Variants in CCDC88C observed in about 807,000 individuals in gnomAD.
CCDC88C encodes the protein coiled-coil and HOOK domain protein 88C, also known as protein Daple.
In CCDC88C, 131 loss-of-function variants were observed where a neutral mutation model predicts 198.8. The ratio of observed to expected loss-of-function variants is 0.66; its 90% CI spans 0.57 to 0.76. CCDC88C has a LOEUF of 0.76. Among genes scored for constraint, CCDC88C ranks in the 30% least tolerant of loss-of-function variants. The pLI is 0.00. For synonymous variants in CCDC88C, 1,166 were observed against 1,114.7 expected (o/e 1.05, Z -0.92); for missense variants, 2,553 against 2,631.6 (o/e 0.97, Z 0.65).
chr14:91,379,058 G>A (rs903241136), intron 3 of CCDC88C: 2 of 152,218 alleles, frequency 1.3e-5, no homozygotes, highest in East Asian at 1.9e-4. Flanking sequence ...CTGCCGGAGA[G>A]TTTTTCCAAA....
At chr14:91,341,859 C>T (rs1361708601) in intron 6 of CCDC88C, among the ~76,000 whole-genome samples, 3 of 152,096 alleles carry the variant, frequency 2.0e-5, no homozygotes, top group East Asian at 3.9e-4. Context: ...CCCGGCCCCT[C>T]GCTGGGGGGC....
chr14:91,339,267 CG>C lies in CCDC88C; in HGVS notation c.809+10del, dbSNP rs750060580. ...CACACACAAAGGTAGGAGAAGCAGC[CG>C]GGGACTCACAGCTCCTGCCTGACGC... On this transcript the variant is annotated intron_variant, in intron 8 of 29. Coordinates refer to ENST00000389857, the MANE Select transcript of CCDC88C (RefSeq NM_001080414.4). This position sits in a 1 kb window ranked among gnomAD's most constrained non-coding sequence, Gnocchi z 5.8. The C allele has an allele frequency of 1.9e-6, 3 of 1,611,864 alleles. No homozygotes were observed. In the South Asian group the frequency reaches 3.3e-5, roughly 18 times the overall value.
At chr14:91,275,036 G>A (rs1332492319) in intron 29 of CCDC88C, among the ~76,000 whole-genome samples, 7 of 152,114 alleles carry the variant, frequency 4.6e-5, no homozygotes, top group Non-Finnish European at 8.8e-5. Context: ...GTGGGGGCGC[G>A]GTGGGCATAC....
At position 91,278,095 on chromosome 14, in the gene CCDC88C, C is replaced by T. The variant is rs1285918522; in HGVS notation, c.4885G>A (p.Gly1629Ser). ...EASTPGRNAL[G>S]RHEYPLPRNG... is the part of the protein sequence containing the mutation. Reference sequence around the variant, plus strand: ...CGAGGCAAGGGGTACTCGTGGCGGCCGAGGGCGTTGCGTCCCGGTGTGCTG... The same window carrying T: ...CGAGGCAAGGGGTACTCGTGGCGGCTGAGGGCGTTGCGTCCCGGTGTGCTG... The change falls in exon 29 of 30, where the codon GGC becomes AGC. Residue 1629 changes from glycine (G) to serine (S), a missense_variant. Physicochemically the swap from Gly to Ser is moderately conservative, Grantham distance 56. Around this residue, in one of 2 missense-constraint regions of CCDC88C, gnomAD observed 1,293 missense variants for 1,219.6 expected, o/e 1.06. Transcript: ENST00000389857. The T allele has an allele frequency of 1.9e-5, 31 of 1,612,702 alleles. No individual in the cohort carries two copies. Among genetic ancestry groups the T allele is most frequent in the Admixed American group, 1.5e-4 (9 of 59,892 alleles).
chr14:91,379,879 G>T lies in CCDC88C; in HGVS notation c.271-20168C>A, dbSNP rs1046514425. The T allele has an allele frequency of 1.0e-5, 7 of 703,056 alleles. No individual in the cohort carries two copies. The East Asian group carries it at 1.9e-4, about 19-fold the overall frequency. 43.6% of individuals were successfully genotyped at this position (703,056 alleles called of 1,614,324 possible). ...AAGAAGTTTAGTTACCGGAAAAAGG[G>T]TCTATCCTGAAAACAGGATGAGAAG... On this transcript the variant is annotated intron_variant, in intron 3 of 29. Coordinates refer to ENST00000389857, the MANE Select transcript of CCDC88C (RefSeq NM_001080414.4).
At chr14:91,285,815 G>T (rs1426500764) in intron 25 of CCDC88C, 1 of 1,288,728 alleles carries the variant, frequency 7.8e-7, no homozygotes, top group South Asian at 1.2e-5. Flanking sequence ...TTTCAAAAAG[G>T]GACTCTTTTT....
intron 3 of CCDC88C, among the ~76,000 whole-genome samples, chr14:91,370,909 G>T (rs1364951624): frequency 6.6e-6 from 1 of 152,218 alleles, no homozygotes; most frequent in African/African-American, 2.4e-5. Context: ...TGGAAACCCA[G>T]GTCTCCTTGC....
rs761134886 is a variant in CCDC88C at position 91,303,723 on chromosome 14, C to G, written c.3613G>C (p.Glu1205Gln). 1 of 1,600,240 alleles carries G rather than the reference C, an allele frequency of 6.2e-7. No homozygotes were observed. The highest frequency in any genetic ancestry group is 2.3e-5 in the East Asian group (1 of 44,338). ...LKTLHRNLEL[E>Q]HKELGERHGD... ...TACCTCTCCCCGAGCTCCTTGTGCT[C>G]CAGCTCCAGATTCCGATGCAGTGTC... The change falls in exon 20 of 30, where the codon GAG becomes CAG. Residue 1205 changes from glutamate (E) to glutamine (Q), a missense_variant. This residue lies in a region of CCDC88C where 1,293 missense variants were observed against 1,219.6 expected (regional missense o/e 1.06). Coordinates refer to ENST00000389857, the MANE Select transcript of CCDC88C (RefSeq NM_001080414.4).
At chr14:91,344,228 T>A (rs1387521014) in intron 4 of CCDC88C, among the ~76,000 whole-genome samples, 2 of 142,424 alleles carry the variant, frequency 1.4e-5, no homozygotes. Context: ...AACCATAACA[T>A]CAGCATCCCT....
rs1453857200 is a variant in CCDC88C, at chr14:91,283,318, C to T, written c.4630+11G>A. The T allele has an allele frequency of 1.2e-6, 2 of 1,611,910 alleles. No homozygotes were observed. Among genetic ancestry groups the T allele is most frequent in the Non-Finnish European group, 1.7e-6 (2 of 1,179,432 alleles). On this transcript the variant is annotated intron_variant, in intron 26 of 29. Coordinates refer to ENST00000389857, the MANE Select transcript of CCDC88C (RefSeq NM_001080414.4). Reference sequence around the variant, plus strand: ...CCGACGCTCATGGCTCTGGAAGGGCCTGTGACTCACCTTTGGTGCGGCCTG... The same window carrying T: ...CCGACGCTCATGGCTCTGGAAGGGCTTGTGACTCACCTTTGGTGCGGCCTG...
intron 13 of CCDC88C, among the ~76,000 whole-genome samples, chr14:91,316,272 G>C (rs542405688): frequency 1.3e-5 from 2 of 152,108 alleles, no homozygotes; most frequent in Admixed American, 1.3e-4. Context: ...TGTCTGGCCT[G>C]GACAGCCACC....
chr14:91,408,577 C>T, intron 3 of CCDC88C, 82 bp downstream of exon 3: 2 of 877,680 alleles, frequency 2.3e-6, no homozygotes, highest in Non-Finnish European at 3.8e-6. Flanking sequence ...ACCGTTTCCT[C>T]CCGGCCTCCT....
At chr14:91,327,804 C>A (rs1892641257) in intron 10 of CCDC88C, among the ~76,000 whole-genome samples, 1 of 152,242 alleles carries the variant, frequency 6.6e-6, no homozygotes, top group African/African-American at 2.4e-5. Context: ...CAGCACTCCC[C>A]AGCATCACTA....
At position 91,294,282 on chromosome 14, in the gene CCDC88C, T is replaced by C. The variant is rs1890901316; in HGVS notation, c.4003A>G (p.Asn1335Asp). 2 of 1,613,892 alleles carry C rather than the reference T, an allele frequency of 1.2e-6. No individual in the cohort carries two copies. The highest frequency in any genetic ancestry group is 1.7e-5 in the Admixed American group (1 of 59,996). Residue 1335 changes from asparagine to aspartate, a missense_variant, in exon 23 of 30, where the codon AAT (asparagine) becomes GAT (aspartate). Around this residue, in one of 2 missense-constraint regions of CCDC88C, gnomAD observed 1,293 missense variants for 1,219.6 expected, o/e 1.06. Transcript: ENST00000389857. ...SRLKGNLEEE[N>D]HHLLSQIQLL... Reference sequence around the variant, plus strand: ...TGGATCTGGCTCAGGAGGTGATGATTTTCTTCCTCCAAGTTCCCCTTGAGA... The same window carrying C: ...TGGATCTGGCTCAGGAGGTGATGATCTTCTTCCTCCAAGTTCCCCTTGAGA...
intron 3 of CCDC88C, among the ~76,000 whole-genome samples, chr14:91,378,222 C>T (rs1205771428): frequency 6.6e-6 from 1 of 152,168 alleles, no homozygotes; most frequent in African/African-American, 2.4e-5. Flanking sequence ...GAGGTCACTA[C>T]AGCCAGCAGG....
intron 3 of CCDC88C, among the ~76,000 whole-genome samples, chr14:91,363,221 C>G (rs1188043611): frequency 2.6e-5 from 4 of 151,398 alleles, no homozygotes. Flanking sequence ...TTAATTAAGC[C>G]AATATAACCA....
In CCDC88C at chr14:91,294,181, C is replaced by T. The variant is rs751689504; in HGVS notation, c.4104G>A (p.Lys1368=). 6.2e-7 allele frequency: 1 copy of T among 1,614,008 alleles called. No individual in the cohort carries two copies. Among genetic ancestry groups the T allele is most frequent in the Non-Finnish European group, 8.5e-7 (1 of 1,179,876 alleles). The change falls in exon 23 of 30, where the codon AAG becomes AAA. Residue 1368 remains lysine (K), a synonymous_variant. Coordinates refer to ENST00000389857, the MANE Select transcript of CCDC88C (RefSeq NM_001080414.4). ...ENKEQYHEEQ[K]QYIDKLNALR... is the part of the protein sequence containing the mutation. The stretch of plus-strand genomic sequence containing the variant: ...AGGGACTCCCTGCTTACATGTACTG[C>T]TTCTGCTCCTCATGGTACTGCTCCT...
chr14:91,393,053 C>A (rs1885615775), intron 3 of CCDC88C, among the ~76,000 whole-genome samples: 1 of 152,216 alleles, frequency 6.6e-6, no homozygotes, highest in South Asian at 2.1e-4. Context: ...CCGGAGTCCG[C>A]TCCCGGAAAC....
At position 91,303,802 on chromosome 14, in the gene CCDC88C, G is replaced by C. The variant is rs1390186794; in HGVS notation, c.3534C>G (p.His1178Gln). 3 of 1,613,322 alleles carry C rather than the reference G, an allele frequency of 1.9e-6. No individual in the cohort carries two copies. Among genetic ancestry groups the C allele is most frequent in the Admixed American group, 3.3e-5 (2 of 60,022 alleles). ...CCTCGTACTCGGCCGATTGCCGCTC[G>C]TGCAGCGTGCCCAGGTGCTCGTGGT... is the stretch of plus-strand genomic sequence containing the variant. ...LQDHEHLGTLHERQSAEYEAL... is the reference protein window; with the variant it reads ...LQDHEHLGTLQERQSAEYEAL... Residue 1178 changes from histidine (H) to glutamine (Q), a missense_variant, in exon 20 of 30, where the codon CAC becomes CAG. Transcript: ENST00000389857.
Sources: allele counts gnomAD v4.1 joint callset (sites outside exome capture counted in the v4.1 genomes callset), GRCh38; gene constraint gnomAD v4.1.1; regional missense constraint gnomAD v4.1.1; non-coding constraint Gnocchi (gnomAD v3.1); transcripts MANE v1.5; gene names NCBI Gene and HGNC (gene_info 2026-07-23, HGNC 2026-07-21).